The following KCNA6 variants were observed in gnomAD, a reference collection of about 807,000 sequenced individuals.
KCNA6 encodes the protein potassium voltage-gated channel subfamily A member 6.
KCNA6 carries 17 observed loss-of-function variants against 29.5 expected under a neutral mutation model. The ratio of observed to expected loss-of-function variants is 0.58; its 90% CI spans 0.39 to 0.86. The LOEUF (loss-of-function observed/expected upper bound fraction) is 0.86. KCNA6 is among the 40% of genes least tolerant of loss of function. The pLI is 0.00. For missense variants in KCNA6, 450 were observed against 703.4 expected (o/e 0.64, Z 4.07); for synonymous variants, 296 against 304.7 (o/e 0.97, Z 0.30).
chr12:4,844,251 A>G, the KCNA6 span, among the ~76,000 whole-genome samples: 1 of 152,318 alleles, frequency 6.6e-6, no homozygotes, highest in South Asian at 2.1e-4. The surrounding 1 kb of genome is among the most constrained non-coding windows in gnomAD (Gnocchi z 4.0). Context: ...TCCAGTAGGG[A>G]GAATAAGCAA....
chr12:4,841,369 GT>G, the KCNA6 span, among the ~76,000 whole-genome samples: 76 of 152,040 alleles, frequency 5.0e-4, no homozygotes, highest in African/African-American at 1.6e-3. Context: ...ATTTTTGGCA[GT>G]TTTTTTGTCC....
rs749224211 is a variant in KCNA6, at chr12:4,810,092, G to A, written c.51G>A (p.Gly17=). ...TGGCGGCGCCGGGGGAGGTCCGTGG[G>A]CCGGAGGGAGAGCAACAGGATGCGG... The change falls in exon 1 of 1, where the codon GGG becomes GGA. Residue 17 remains glycine (G), a synonymous_variant. Coordinates refer to ENST00000280684, the Ensembl canonical transcript of KCNA6. The surrounding 1 kb of genome is among the most constrained non-coding windows in gnomAD (Gnocchi z 7.5). 6.4e-7 allele frequency: 1 copy of A among 1,565,804 alleles called. No homozygotes were observed. Among genetic ancestry groups the A allele is most frequent in the Admixed American group, 1.7e-5 (1 of 58,014 alleles).
chr12:4,810,013 A>G lies in KCNA6; in HGVS notation c.-29A>G, dbSNP rs918482287. On this transcript the variant is annotated 5_prime_UTR_variant, in exon 1 of 1. Transcript: ENST00000280684. This position sits in a 1 kb window ranked among gnomAD's most constrained non-coding sequence, Gnocchi z 7.5. ...GAGATTGTGTCGTGGGCGCCGTCCT[A>G]GTGGCGGGGAGCGCACCTCCGAGGG... is the stretch of plus-strand genomic sequence containing the variant. 2.1e-6 allele frequency: 3 copies of G among 1,460,322 alleles called. No homozygotes were observed. The African/African-American group carries it at 4.2e-5, about 21-fold the overall frequency. The allele number at this position is 1,460,322 out of a possible 1,614,324, so 90.5% of individuals were successfully genotyped here.
At chr12:4,830,902 C>T in the KCNA6 span, among the ~76,000 whole-genome samples, 5 of 152,240 alleles carry the variant, frequency 3.3e-5, no homozygotes, top group Non-Finnish European at 5.9e-5. Context: ...AGCCTTGCAA[C>T]TGAGACGAAG....
At chr12:4,825,154 T>A in the KCNA6 span, among the ~76,000 whole-genome samples, 1 of 152,194 alleles carries the variant, frequency 6.6e-6, no homozygotes, top group South Asian at 2.1e-4. Context: ...ACTTCCTTCC[T>A]CCTGTTTTGT....
chr12:4,818,985 TACAC>T, the KCNA6 span, among the ~76,000 whole-genome samples: 1 of 151,838 alleles, frequency 6.6e-6, no homozygotes, highest in African/African-American at 2.4e-5. Flanking sequence ...AAACCACATA[TACAC>T]ACACGTATAT....
chr12:4,822,575 A>G, the KCNA6 span, among the ~76,000 whole-genome samples: 1 of 152,166 alleles, frequency 6.6e-6, no homozygotes, highest in African/African-American at 2.4e-5. Context: ...AGGCAGGGGA[A>G]TGTGTGATGT....
At chr12:4,809,866 C>A in exon 1 of KCNA6, 1 of 686,998 alleles carries the variant, frequency 1.5e-6, no homozygotes, top group Admixed American at 3.2e-5. Flanking sequence ...CCCAGCCTTG[C>A]AGGGACCAGG....
At chr12:4,813,134 T>TA (rs1326516514) in exon 1 of KCNA6, 9 of 166,596 alleles carry the variant, frequency 5.4e-5, no homozygotes, top group African/African-American at 2.2e-4. Flanking sequence ...AATTTTTTTT[T>TA]TAAAAATTAT....
At chr12:4,844,636 G>A in the KCNA6 span, among the ~76,000 whole-genome samples, 1 of 152,096 alleles carries the variant, frequency 6.6e-6, no homozygotes, top group Non-Finnish European at 1.5e-5. The surrounding 1 kb of genome is among the most constrained non-coding windows in gnomAD (Gnocchi z 4.0). Context: ...TTTGGGTGGG[G>A]TAAGCCAGGG....
chr12:4,809,403 C>T (rs911531515), exon 1 of KCNA6: 2 of 151,756 alleles, frequency 1.3e-5, no homozygotes, highest in East Asian at 2.0e-4. Flanking sequence ...GAGGTGGGTC[C>T]CCGCGCTCGG....
At chr12:4,830,830 A>T in the KCNA6 span, among the ~76,000 whole-genome samples, 2 of 152,192 alleles carry the variant, frequency 1.3e-5, no homozygotes, top group African/African-American at 2.4e-5. Context: ...GGGGCGCTGC[A>T]CCCAGGGAAG....
In KCNA6 at chr12:4,811,499, G is replaced by A. The variant is rs200395161; in HGVS notation, c.1458G>A (p.Ala486=). The change falls in exon 1 of 1, where the codon GCG becomes GCA. Residue 486 remains alanine, a synonymous_variant. Coordinates refer to ENST00000280684, the Ensembl canonical transcript of KCNA6. The surrounding 1 kb of genome is among the most constrained non-coding windows in gnomAD (Gnocchi z 7.1). ...CCCACGTCACTTGTGGGCAGCCTGC[G>A]CCGGACCTGAGGGCAACTGACAACG... The A allele has an allele frequency of 6.8e-6, 11 of 1,614,146 alleles. No individual in the cohort carries two copies. The highest frequency in any genetic ancestry group is 4.5e-5 in the East Asian group (2 of 44,880).
chr12:4,810,315 A>G lies in KCNA6; in HGVS notation c.274A>G (p.Ser92Gly). ...GTACTTCTTCGACCGCAACCGGCCCAGCTTCGACGCCATCCTCTACTACTA... is the reference window on the plus strand; with the variant it reads ...GTACTTCTTCGACCGCAACCGGCCCGGCTTCGACGCCATCCTCTACTACTA... Residue 92 changes from serine (S) to glycine (G), a missense_variant, in exon 1 of 1, where the codon AGC becomes GGC. Coordinates refer to ENST00000280684, the Ensembl canonical transcript of KCNA6. The surrounding 1 kb of genome is among the most constrained non-coding windows in gnomAD (Gnocchi z 7.5). The G allele has an allele frequency of 6.2e-7, 1 of 1,614,092 alleles. No homozygotes were observed. Among genetic ancestry groups the G allele is most frequent in the Non-Finnish European group, 8.5e-7 (1 of 1,180,010 alleles).
chr12:4,848,465 T>C, the KCNA6 span, among the ~76,000 whole-genome samples: 1 of 149,762 alleles, frequency 6.7e-6, no homozygotes, highest in Admixed American at 6.7e-5. Context: ...TCCTCTCTCC[T>C]CCGTAAAATT....
chr12:4,819,538 C>T, the KCNA6 span, among the ~76,000 whole-genome samples: 5 of 152,198 alleles, frequency 3.3e-5, no homozygotes, highest in Admixed American at 2.6e-4. Flanking sequence ...CAGGAGGCCT[C>T]GTAGTTGGAA....
chr12:4,848,467 C>T, the KCNA6 span, among the ~76,000 whole-genome samples: 2 of 150,508 alleles, frequency 1.3e-5, no homozygotes, highest in Non-Finnish European at 2.9e-5. Flanking sequence ...CTCTCTCCTC[C>T]GTAAAATTTT....
At chr12:4,827,772 C>T in the KCNA6 span, among the ~76,000 whole-genome samples, 3 of 152,206 alleles carry the variant, frequency 2.0e-5, no homozygotes, top group East Asian at 1.9e-4. Flanking sequence ...TAGCCCTGCA[C>T]AGCTCCACCA....
At chr12:4,844,853 C>A in the KCNA6 span, among the ~76,000 whole-genome samples, 1 of 152,090 alleles carries the variant, frequency 6.6e-6, no homozygotes, top group Non-Finnish European at 1.5e-5. The surrounding 1 kb of genome is among the most constrained non-coding windows in gnomAD (Gnocchi z 4.0). Context: ...TTATAATGTT[C>A]ATTTAATCTC....
Sources: gnomAD v4.1 joint callset for allele counts (sites outside exome capture counted in the v4.1 genomes callset) on GRCh38, gnomAD v4.1.1 for gene constraint, Gnocchi (gnomAD v3.1) non-coding constraint, MANE v1.5 for transcripts, NCBI Gene and HGNC (gene_info 2026-07-23, HGNC 2026-07-21) for gene names.